The following SPATA22 variants were observed in gnomAD, a reference collection of about 807,000 sequenced individuals.
SPATA22 encodes the protein spermatogenesis associated 22.
In SPATA22, 29 loss-of-function variants were observed where a neutral mutation model predicts 47.8. The ratio of observed to expected loss-of-function variants is 0.61; its 90% CI spans 0.45 to 0.83. The LOEUF is 0.83. Ranked by LOEUF, SPATA22 falls within the 40% of genes least tolerant of loss-of-function variation. The pLI, the probability that SPATA22 is intolerant of heterozygous loss-of-function variation, is 0.00. For missense variants in SPATA22, 410 were observed against 421.7 expected (o/e 0.97, Z 0.24); for synonymous variants, 133 against 140.9 (o/e 0.94, Z 0.40).
At chr17:3,481,315 T>C (rs2073623294) in intron 1 of SPATA22, among the ~76,000 whole-genome samples, 1 of 152,190 alleles carries the variant, frequency 6.6e-6, no homozygotes. Flanking sequence ...GCGTTCAAGA[T>C]TGAAATCAAA....
rs1322872514 is a variant in SPATA22 at position 3,451,950 on chromosome 17, T to TA, written c.330-2802dup. 4.9e-3 allele frequency among the ~76,000 whole-genome samples: 618 copies of TA among 126,588 alleles called. 4 individuals carry two copies. Among genetic ancestry groups the TA allele is most frequent in the African/African-American group, 0.015 (528 of 34,304 alleles). The allele number at this position is 126,588 out of a possible 152,430, so 83.0% of individuals were successfully genotyped here. On this transcript the variant is annotated intron_variant, in intron 5 of 8. Transcript: ENST00000572969. ...CGACAGAGCGAGACTCTGTCTCAAT[T>TA]AAAAAAAAAAAAAAGAAAACCAGAA...
intron 1 of SPATA22, chr17:3,481,908 G>A: frequency 8.3e-6 from 9 of 1,083,184 alleles, no homozygotes; most frequent in Non-Finnish European, 1.2e-5. Context: ...CAAGAGAAAT[G>A]GGGTTTATTC....
intron 5 of SPATA22, among the ~76,000 whole-genome samples, chr17:3,453,585 G>A (rs934161859): frequency 3.3e-5 from 5 of 151,966 alleles, no homozygotes; most frequent in Admixed American, 6.6e-5. Flanking sequence ...GATCCAGTAC[G>A]ACGCAAGGAT....
At chr17:3,443,308 G>A (rs1001633198) in intron 7 of SPATA22, 37 bp from the exon 8 acceptor site, 2 of 1,419,950 alleles carry the variant, frequency 1.4e-6, no homozygotes, top group Non-Finnish European at 1.9e-6. Context: ...AATGAATGTT[G>A]GTAAACTGCA....
chr17:3,483,449 A>G, intron 1 of SPATA22: 2 of 1,505,710 alleles, frequency 1.3e-6, no homozygotes, highest in South Asian at 2.3e-5. Context: ...AAGCAAAGAG[A>G]ACAAAACATA....
intron 1 of SPATA22, 50 bp downstream of exon 1, chr17:3,471,632 G>A: frequency 7.1e-6 from 7 of 985,470 alleles, no homozygotes; most frequent in Non-Finnish European, 8.4e-6. Flanking sequence ...CTCTTCCAAA[G>A]GCCTCTCCTG....
intron 1 of SPATA22, among the ~76,000 whole-genome samples, chr17:3,477,330 C>T (rs990490260): frequency 6.6e-6 from 1 of 152,190 alleles, no homozygotes. Context: ...ATATTGCATA[C>T]AACGTAAGCA....
intron 7 of SPATA22, among the ~76,000 whole-genome samples, chr17:3,446,135 A>G (rs2072721077): frequency 1.3e-5 from 2 of 152,064 alleles, no homozygotes; most frequent in Admixed American, 1.3e-4. Flanking sequence ...ATTACATTGA[A>G]CCCACCCAAA....
intron 1 of SPATA22, among the ~76,000 whole-genome samples, chr17:3,486,019 G>A (rs2073714643): frequency 6.7e-6 from 1 of 149,648 alleles, no homozygotes; most frequent in African/African-American, 2.5e-5. Context: ...TGCAACCTCC[G>A]CCTCCTGGGT....
intron 1 of SPATA22, chr17:3,499,872 C>T (rs943103447): frequency 6.6e-6 from 1 of 152,196 alleles, no homozygotes; most frequent in Non-Finnish European, 1.5e-5. Flanking sequence ...GTAAGGAAGG[C>T]ATGTCAAAAG....
At chr17:3,487,229 T>G (rs928852890) in intron 1 of SPATA22, among the ~76,000 whole-genome samples, 1 of 152,174 alleles carries the variant, frequency 6.6e-6, no homozygotes, top group Non-Finnish European at 1.5e-5. Context: ...AAAATTTGTA[T>G]GCAGCAATAT....
intron 8 of SPATA22, among the ~76,000 whole-genome samples, chr17:3,442,142 C>T (rs568796682): frequency 1.8e-3 from 278 of 151,944 alleles, no homozygotes; most frequent in African/African-American, 6.4e-3. Context: ...ACATGTTATA[C>T]TGCAATAACA....
chr17:3,481,399 A>G (rs553686691), intron 1 of SPATA22, among the ~76,000 whole-genome samples: 6 of 152,376 alleles, frequency 3.9e-5, no homozygotes, highest in South Asian at 2.1e-4. Flanking sequence ...AAGCATGCCA[A>G]TGCAACATTA....
rs750245913 is a variant in SPATA22, at chr17:3,448,836, C to T, written c.643G>A (p.Asp215Asn). The change falls in exon 6 of 9, where the codon GAT becomes AAT. Residue 215 changes from aspartate (D) to asparagine (N), a missense_variant. Asp to Asn is a conservative substitution (Grantham distance 23). Coordinates refer to ENST00000572969, the MANE Select transcript of SPATA22 (RefSeq NM_001170698.2). ...AGGGTGTTGTCTTCTGGAATATCAT[C>T]CAACATTTGTTTCTTATATTGATTT... Reference protein sequence around the residue: ...QQNQYKKQMLDDIPEDNTLKE... With the variant: ...QQNQYKKQMLNDIPEDNTLKE... The T allele has an allele frequency of 6.2e-7, 1 of 1,609,504 alleles. No individual in the cohort carries two copies. Among genetic ancestry groups the T allele is most frequent in the Non-Finnish European group, 8.5e-7 (1 of 1,177,518 alleles).
chr17:3,486,268 G>A (rs908735559), intron 1 of SPATA22, among the ~76,000 whole-genome samples: 3 of 152,134 alleles, frequency 2.0e-5, no homozygotes, highest in East Asian at 3.9e-4. Flanking sequence ...CAGTAGGCAC[G>A]AGTGCCCTTT....
chr17:3,471,702 T>C lies in SPATA22; in HGVS notation c.-94A>G. ...CGCACAGTCTTTCCCTTCTAGGCCC[T>C]CCTGCCAACACGACACACAACTTTC... On this transcript the variant is annotated 5_prime_UTR_variant, in exon 1 of 9. Transcript: ENST00000572969. 1.0e-6 allele frequency: 1 copy of C among 985,528 alleles called. No homozygotes were observed. Among genetic ancestry groups the C allele is most frequent in the African/African-American group, 1.7e-5 (1 of 57,362 alleles). 61.0% of individuals were successfully genotyped at this position (985,528 alleles called of 1,614,324 possible).
In SPATA22 at chr17:3,490,578, G is replaced by A. The variant is rs925504908; in HGVS notation, c.-73-21180C>T. Among the ~76,000 whole-genome samples the A allele has an allele frequency of 4.6e-5, 7 of 152,080 alleles. No homozygotes were observed. On this transcript the variant is annotated intron_variant, in intron 1 of 8. Transcript: ENST00000541913. This position sits in a 1 kb window ranked among gnomAD's most constrained non-coding sequence, Gnocchi z 4.6. The stretch of plus-strand genomic sequence containing the variant: ...AATCACAGACATTCGTTTTGTGCTT[G>A]GGAATCCTTTGACTCCAAAATCATG...
chr17:3,480,797 A>G (rs2073613839), intron 1 of SPATA22, among the ~76,000 whole-genome samples: 2 of 152,240 alleles, frequency 1.3e-5, no homozygotes, highest in South Asian at 4.1e-4. Flanking sequence ...AAGTTAGTTC[A>G]GTTTACACCC....
At chr17:3,508,389 C>T (rs552883940) in intron 1 of SPATA22, among the ~76,000 whole-genome samples, 114 of 151,894 alleles carry the variant, frequency 7.5e-4, no homozygotes, top group Admixed American at 1.4e-3. Context: ...ACCCAGCCAT[C>T]CCATGACTGG....
Sources: allele counts gnomAD v4.1 joint callset (sites outside exome capture counted in the v4.1 genomes callset), GRCh38; gene constraint gnomAD v4.1.1; non-coding constraint Gnocchi (gnomAD v3.1); transcripts MANE v1.5; gene names NCBI Gene and HGNC (gene_info 2026-07-23, HGNC 2026-07-21).